DYNLRB1: variants seen among roughly 807,000 people sequenced by gnomAD.
DYNLRB1 encodes ROBL/LC7-like 1.
DYNLRB1 carries 6 observed loss-of-function variants against 13.5 expected under a neutral mutation model. The ratio of observed to expected loss-of-function variants is 0.44; its 90% confidence interval spans 0.24 to 0.88. The LOEUF is 0.88. Ranked by LOEUF, DYNLRB1 falls within the 40% of genes least tolerant of loss-of-function variation. DYNLRB1 has a pLI of 0.21. For synonymous variants in DYNLRB1, 43 were observed against 45.0 expected (o/e 0.96, Z 0.18); for missense variants, 93 against 127.2 (o/e 0.73, Z 1.29).
chr20:34,531,674 C>T (rs916637106), intron 2 of DYNLRB1, among the ~76,000 whole-genome samples: 1 of 152,208 alleles, frequency 6.6e-6, no homozygotes, highest in African/African-American at 2.4e-5. Flanking sequence ...AATGCTGTCT[C>T]TCTAGGGACA....
intron 3 of DYNLRB1, among the ~76,000 whole-genome samples, chr20:34,538,537 C>T (rs1981346888): frequency 6.6e-6 from 1 of 152,216 alleles, no homozygotes; most frequent in Non-Finnish European, 1.5e-5. Context: ...TCAACACACA[C>T]TACCTCTCAC....
chr20:34,521,645 T>C (rs1979726048), intron 1 of DYNLRB1, among the ~76,000 whole-genome samples: 1 of 152,200 alleles, frequency 6.6e-6, no homozygotes, highest in South Asian at 2.1e-4. Flanking sequence ...TGTTTTTCCA[T>C]GTGTCAGGAA....
rs751161218 is a variant in DYNLRB1 at position 34,534,720 on chromosome 20, C to T, written c.172C>T (p.Arg58Cys). The T allele has an allele frequency of 3.6e-5, 58 of 1,613,242 alleles. 3 individuals are homozygous for T. In the Admixed American group the frequency reaches 7.7e-4, roughly 21 times the overall value. Residue 58 changes from arginine (R) to cysteine (C), a missense_variant, in exon 3 of 4, where the codon CGT (arginine) becomes TGT (cysteine). Physicochemically the swap from Arg to Cys is radical, Grantham distance 180 (BLOSUM62 -3). Coordinates refer to ENST00000357156, the MANE Select transcript of DYNLRB1 (RefSeq NM_014183.4). Reference protein sequence around the residue: ...SFILKARSTVRDIDPQNDLTF... With the variant: ...SFILKARSTVCDIDPQNDLTF... ...CATCCTGAAGGCACGGAGCACCGTG[C>T]GTGACATCGACCCCCAGAACGATCT...
At chr20:34,533,912 G>A (rs888489376) in intron 2 of DYNLRB1, among the ~76,000 whole-genome samples, 4 of 152,138 alleles carry the variant, frequency 2.6e-5, no homozygotes, top group South Asian at 2.1e-4. Context: ...CGAGGTGGGC[G>A]GATCACCTGA....
chr20:34,522,735 A>C (rs1979855181), intron 1 of DYNLRB1, among the ~76,000 whole-genome samples: 1 of 152,040 alleles, frequency 6.6e-6, no homozygotes, highest in Non-Finnish European at 1.5e-5. Flanking sequence ...TGGTCCCCCA[A>C]AGTGCTGGGA....
In DYNLRB1 at chr20:34,517,024, G is replaced by C. The variant is rs1256729533; in HGVS notation, c.3+563G>C. ...CACTCTGTCGGCGTGGTTCTTTCTA[G>C]CCGCTGGGACTGGGTGCCAGAGTCA... On this transcript the variant is annotated intron_variant, in intron 1 of 3. Transcript: ENST00000357156. The C allele has an allele frequency of 4.1e-6, 5 of 1,208,200 alleles. No individual in the cohort carries two copies. The South Asian group carries it at 8.9e-5, about 22-fold the overall frequency. The allele number at this position is 1,208,200 out of a possible 1,614,324, so 74.8% of individuals were successfully genotyped here. A position where few individuals can be genotyped will look rare whatever the true frequency, so the allele number is the denominator to read the frequency against.
intron 2 of DYNLRB1, among the ~76,000 whole-genome samples, chr20:34,532,066 C>T (rs1304356280): frequency 6.6e-6 from 1 of 152,154 alleles, no homozygotes; most frequent in African/African-American, 2.4e-5. Flanking sequence ...AACAGCCAAC[C>T]CAGGGCTCTA....
intron 2 of DYNLRB1, chr20:34,530,752 T>G (rs1227273182): frequency 1.3e-5 from 2 of 152,212 alleles, no homozygotes; most frequent in Non-Finnish European, 2.9e-5. Context: ...TATTTGAGGA[T>G]AATTGTATTG....
chr20:34,528,957 C>T (rs1980479162), intron 2 of DYNLRB1, among the ~76,000 whole-genome samples: 1 of 151,792 alleles, frequency 6.6e-6, no homozygotes, highest in African/African-American at 2.4e-5. Context: ...GATTGCACTC[C>T]AGCACAGAGC....
intron 2 of DYNLRB1, among the ~76,000 whole-genome samples, chr20:34,529,241 T>C (rs1980508007): frequency 6.6e-6 from 1 of 152,200 alleles, no homozygotes; most frequent in Admixed American, 6.5e-5. Flanking sequence ...CCATGCCCGG[T>C]TGCGGGGCCC....
At chr20:34,520,810 T>G (rs1979650972) in intron 1 of DYNLRB1, among the ~76,000 whole-genome samples, 1 of 152,204 alleles carries the variant, frequency 6.6e-6, no homozygotes, top group Non-Finnish European at 1.5e-5. Context: ...TATCTTGTTT[T>G]GTTTCATTTT....
rs1214152668 is a variant in DYNLRB1, at chr20:34,540,450, A to C, written c.248-131A>C. Reference sequence around the variant, plus strand: ...TTTTCCCAGCATTTGGAGATGCTGAACGTTGATGCTTTTTGTTGCTTTCTC... The same window carrying C: ...TTTTCCCAGCATTTGGAGATGCTGACCGTTGATGCTTTTTGTTGCTTTCTC... On this transcript the variant is annotated intron_variant, in intron 3 of 3. Coordinates refer to ENST00000357156, the MANE Select transcript of DYNLRB1 (RefSeq NM_014183.4). The C allele has an allele frequency of 1.4e-5, 12 of 830,498 alleles. No homozygotes were observed. The East Asian group carries it at 3.2e-4, about 22-fold the overall frequency. The allele number at this position is 830,498 out of a possible 1,614,324, so 51.4% of individuals were successfully genotyped here.
At chr20:34,520,160 C>T (rs756972106) in intron 1 of DYNLRB1, among the ~76,000 whole-genome samples, 1 of 152,092 alleles carries the variant, frequency 6.6e-6, no homozygotes, top group Non-Finnish European at 1.5e-5. Context: ...AAAATAATCA[C>T]ATATAATTCT....
At position 34,530,259 on chromosome 20, in the gene DYNLRB1, C is replaced by T; in HGVS notation, c.79+3916C>T. The T allele has an allele frequency of 2.9e-6, 3 of 1,041,634 alleles. No individual in the cohort carries two copies. The South Asian group carries it at 1.4e-4, about 48-fold the overall frequency. The allele number at this position is 1,041,634 out of a possible 1,614,324, so 64.5% of individuals were successfully genotyped here. A position where few individuals can be genotyped will look rare whatever the true frequency, so the allele number is the denominator to read the frequency against. On this transcript the variant is annotated intron_variant, in intron 2 of 3. Transcript: ENST00000357156. ...AGTGAGTGCTGCTTTTTTGTATACT[C>T]ATGGGGCTGATTGCACCATAGCTGA... is the stretch of plus-strand genomic sequence containing the variant.
chr20:34,528,311 CA>C (rs59104612), intron 2 of DYNLRB1, among the ~76,000 whole-genome samples: 466 of 5,140 alleles, frequency 0.091, no homozygotes, highest in South Asian at 0.19. Flanking sequence ...GACTCCGTCT[CA>C]AAAAAAAAAA....
chr20:34,534,336 C>T (rs1980951064), intron 2 of DYNLRB1, among the ~76,000 whole-genome samples: 1 of 152,260 alleles, frequency 6.6e-6, no homozygotes, highest in Non-Finnish European at 1.5e-5. Context: ...GCCAGCAGGC[C>T]TGCATGTGAA....
chr20:34,523,760 A>C (rs761910135), intron 1 of DYNLRB1, among the ~76,000 whole-genome samples: 32 of 152,274 alleles, frequency 2.1e-4, no homozygotes, highest in Non-Finnish European at 4.1e-4. Context: ...CACAAATGTC[A>C]GTTTCGTGAC....
chr20:34,536,909 C>G (rs568763537), intron 3 of DYNLRB1, among the ~76,000 whole-genome samples: 1 of 152,254 alleles, frequency 6.6e-6, no homozygotes, highest in Non-Finnish European at 1.5e-5. Context: ...GACAGTGTCC[C>G]TTGGCATAAA....
intron 3 of DYNLRB1, 52 bp downstream of exon 3, chr20:34,534,847 C>T (rs1182651495): frequency 1.9e-6 from 3 of 1,612,582 alleles, no homozygotes; most frequent in East Asian, 2.2e-5. Flanking sequence ...GGCACATTCT[C>T]TGTGGCTCAT....
Sources: gnomAD v4.1 joint callset for allele counts (sites outside exome capture counted in the v4.1 genomes callset) on GRCh38, gnomAD v4.1.1 for gene constraint, MANE v1.5 for transcripts, NCBI Gene and HGNC (gene_info 2026-07-23, HGNC 2026-07-21) for gene names.